The following CSF1R variants were observed in gnomAD, a reference collection of about 807,000 sequenced individuals.
CSF1R encodes the protein macrophage colony-stimulating factor 1 receptor.
A neutral mutation model predicts 110.0 loss-of-function variants in CSF1R; 40 were observed. The ratio of observed to expected loss-of-function variants is 0.36; its 90% CI spans 0.28 to 0.47. CSF1R has a LOEUF of 0.47. CSF1R is among the 20% of genes least tolerant of loss of function. The pLI is 0.99. For synonymous variants in CSF1R, 523 were observed against 503.4 expected (o/e 1.04, Z -0.52); for missense variants, 1,052 against 1,253.0 (o/e 0.84, Z 2.42).
intron 5 of CSF1R, among the ~76,000 whole-genome samples, chr5:150,074,389 C>T (rs966279292): frequency 2.7e-5 from 4 of 147,814 alleles, no homozygotes; most frequent in African/African-American, 1.0e-4. Flanking sequence ...CTCACTGCAA[C>T]CTCCGCCTCC....
intron 1 of CSF1R, among the ~76,000 whole-genome samples, chr5:150,097,189 C>G (rs1759250779): frequency 6.6e-6 from 1 of 151,834 alleles, no homozygotes; most frequent in African/African-American, 2.4e-5. Flanking sequence ...GATGTCTAGC[C>G]TACAATGAGC....
At chr5:150,056,482 TGTCTATACC>T in intron 16 of CSF1R, 141 bp from the exon 17 acceptor site, 1 of 983,842 alleles carries the variant, frequency 1.0e-6, no homozygotes, top group Non-Finnish European at 1.5e-6. Flanking sequence ...CACAAACCCT[TGTCTATACC>T]TTCTACCAGG....
chr5:150,110,682 T>C (rs1759690743), intron 1 of CSF1R, among the ~76,000 whole-genome samples: 1 of 152,220 alleles, frequency 6.6e-6, no homozygotes, highest in Non-Finnish European at 1.5e-5. Flanking sequence ...AGTATGGATA[T>C]AAAGAAAACA....
chr5:150,057,650 C>T (rs1345252088), intron 14 of CSF1R, 58 bp from the exon 15 acceptor site: 1 of 1,385,364 alleles, frequency 7.2e-7, no homozygotes, highest in Non-Finnish European at 1.0e-6. Flanking sequence ...CACTGCTCAG[C>T]TCAGGCCTTG....
chr5:150,084,538 T>C (rs1581330770), intron 1 of CSF1R, among the ~76,000 whole-genome samples: 1 of 151,568 alleles, frequency 6.6e-6, no homozygotes, highest in East Asian at 2.0e-4. Context: ...CTGCAACCTC[T>C]GCCTCCCGGG....
intron 1 of CSF1R, among the ~76,000 whole-genome samples, chr5:150,084,089 C>T (rs1376536635): frequency 6.6e-6 from 1 of 152,030 alleles, no homozygotes; most frequent in African/African-American, 2.4e-5. Flanking sequence ...GTAATCCCAG[C>T]ACTTTGGGAC....
chr5:150,060,792 G>T, intron 13 of CSF1R, 70 bp downstream of exon 13: 1 of 981,708 alleles, frequency 1.0e-6, no homozygotes, highest in South Asian at 1.5e-5. Flanking sequence ...GACGGAACAA[G>T]GTAGCCCTGG....
chr5:150,067,460 A>C (rs73275631), intron 10 of CSF1R, among the ~76,000 whole-genome samples: 3,279 of 152,368 alleles, frequency 0.022, 111 homozygotes, highest in African/African-American at 0.074. Context: ...TGCTAGCTGC[A>C]TACAGTGGTT....
At position 150,080,331 on chromosome 5, in the gene CSF1R, C is replaced by T. The variant is rs749493932; in HGVS notation, c.313G>A (p.Ala105Thr). Residue 105 changes from alanine to threonine, a missense_variant, in exon 3 of 21, where the codon GCC becomes ACC. This residue lies in a region of CSF1R where 693 missense variants were observed against 735.4 expected (regional missense o/e 0.94). Coordinates refer to ENST00000675795, the MANE Select transcript of CSF1R (RefSeq NM_001288705.3). ...AAIHLYVKDPARPWNVLAQEV... is the reference protein window; with the variant it reads ...AAIHLYVKDPTRPWNVLAQEV... ...TGTGCTAGCACGTTCCAGGGCCGGG[C>T]AGGGTCTAGAGTAGAGGAGGGCACA... The T allele has an allele frequency of 6.2e-7, 1 of 1,613,014 alleles. No individual in the cohort carries two copies. The highest frequency in any genetic ancestry group is 1.1e-5 in the South Asian group (1 of 91,016).
chr5:150,082,055 A>T (rs1263785119), intron 1 of CSF1R, among the ~76,000 whole-genome samples: 3 of 152,108 alleles, frequency 2.0e-5, no homozygotes, highest in African/African-American at 7.2e-5. Context: ...TTCTACAGGG[A>T]TGTTCTCACT....
chr5:150,096,634 A>G (rs1470075919), intron 1 of CSF1R, among the ~76,000 whole-genome samples: 1 of 152,248 alleles, frequency 6.6e-6, no homozygotes, highest in Non-Finnish European at 1.5e-5. Context: ...ATAATGCATC[A>G]TGTCCAAGTG....
intron 7 of CSF1R, 37 bp from the exon 8 acceptor site, chr5:150,070,339 C>T (rs201481961): frequency 1.2e-6 from 2 of 1,606,134 alleles, no homozygotes; most frequent in Non-Finnish European, 1.7e-6. Context: ...GTCACACTTT[C>T]CCCGCCACCT....
chr5:150,056,928 T>C (rs912476947), intron 16 of CSF1R, among the ~76,000 whole-genome samples: 7 of 152,124 alleles, frequency 4.6e-5, no homozygotes, highest in Non-Finnish European at 7.4e-5. Context: ...CTTTATACGT[T>C]ATCTAATATC....
At chr5:150,093,758 T>A (rs1342022291) in intron 1 of CSF1R, among the ~76,000 whole-genome samples, 1 of 152,200 alleles carries the variant, frequency 6.6e-6, no homozygotes, top group Non-Finnish European at 1.5e-5. Flanking sequence ...CATATTGTAC[T>A]CCATAAACAT....
chr5:150,093,612 T>A (rs575556832), intron 1 of CSF1R, among the ~76,000 whole-genome samples: 1 of 152,102 alleles, frequency 6.6e-6, no homozygotes, highest in South Asian at 2.1e-4. Flanking sequence ...ATAGAATGAA[T>A]AGAAAACATC....
At chr5:150,061,257 T>C (rs569896789) in intron 12 of CSF1R, among the ~76,000 whole-genome samples, 1 of 152,150 alleles carries the variant, frequency 6.6e-6, no homozygotes, top group Non-Finnish European at 1.5e-5. Flanking sequence ...CCCCAGACTT[T>C]TTGGAGCTCA....
At chr5:150,065,270 C>G (rs1344004691) in intron 10 of CSF1R, among the ~76,000 whole-genome samples, 1 of 151,968 alleles carries the variant, frequency 6.6e-6, no homozygotes, top group African/African-American at 2.4e-5. Context: ...CTGAACAATT[C>G]CCAGTGGAAT....
intron 5 of CSF1R, chr5:150,077,037 C>G: frequency 1.8e-6 from 1 of 567,772 alleles, no homozygotes; most frequent in Admixed American, 3.0e-5. Context: ...AAAAATGGCA[C>G]TAAGGTGCAC....
chr5:150,056,338 T>G lies in CSF1R; in HGVS notation c.2323A>C (p.Ile775Leu). 3 of 1,614,156 alleles carry G rather than the reference T, an allele frequency of 1.9e-6. No homozygotes were observed. Among genetic ancestry groups the G allele is most frequent in the Non-Finnish European group, 2.5e-6 (3 of 1,180,014 alleles). Residue 775 changes from isoleucine to leucine, a missense_variant, in exon 17 of 21, where the codon ATC becomes CTC. Transcript: ENST00000675795. The part of the protein sequence containing the change: ...GMAFLASKNC[I>L]HRDVAARNVL... ...TTACGCGCTGCCACGTCCCGGTGGA[T>G]GCACTGAGGGAAAGCACTGCAGGGT... is the stretch of plus-strand genomic sequence containing the variant.
Sources: allele counts gnomAD v4.1 joint callset (sites outside exome capture counted in the v4.1 genomes callset), GRCh38; gene constraint gnomAD v4.1.1; regional missense constraint gnomAD v4.1.1; transcripts MANE v1.5; gene names NCBI Gene and HGNC (gene_info 2026-07-23, HGNC 2026-07-21).